The following PRKCE variants were observed in gnomAD, a reference collection of about 807,000 sequenced individuals.
PRKCE encodes the protein protein kinase C epsilon.
PRKCE carries 16 observed loss-of-function variants against 85.4 expected under a neutral mutation model. The ratio of observed to expected loss-of-function variants is 0.19; its 90% confidence interval spans 0.13 to 0.28. The LOEUF (loss-of-function observed/expected upper bound fraction) is 0.28. Ranked by LOEUF, PRKCE falls within the 10% of genes least tolerant of loss-of-function variation. PRKCE has a pLI of 1.00. For missense variants in PRKCE, 573 were observed against 975.2 expected, an observed-to-expected ratio of 0.59 and a Z score of 5.49; for synonymous variants, 388 against 371.5, an observed-to-expected ratio of 1.04 and a Z score of -0.51.
intron 2 of PRKCE, among the ~76,000 whole-genome samples, chr2:45,918,762 G>T (rs1280331584): frequency 2.0e-5 from 3 of 152,184 alleles, no homozygotes; most frequent in African/African-American, 7.2e-5. Context: ...GCAGGGCTGA[G>T]GTTGGCGAGG....
At chr2:45,864,923 G>T (rs1364214904) in intron 2 of PRKCE, among the ~76,000 whole-genome samples, 2 of 152,104 alleles carry the variant, frequency 1.3e-5, no homozygotes, top group Admixed American at 1.3e-4. Context: ...CAGCTTGCTG[G>T]GCTCCACCTT....
In PRKCE at chr2:45,721,783, A is replaced by G. The variant is rs578041358; in HGVS notation, c.348+69335A>G. Among the ~76,000 whole-genome samples, 31 of 152,114 alleles carry G rather than the reference A, an allele frequency of 2.0e-4. No homozygotes were observed. The South Asian group carries it at 5.4e-3, about 26-fold the overall frequency. Reference sequence around the variant, plus strand: ...TTCTAGCTACTTGGGAGGTTGAGGCAGGAGGCTTGTTTAAGCCTAGAAGTT... The same window carrying G: ...TTCTAGCTACTTGGGAGGTTGAGGCGGGAGGCTTGTTTAAGCCTAGAAGTT... On this transcript the variant is annotated intron_variant, in intron 1 of 14. Coordinates refer to ENST00000306156, the MANE Select transcript of PRKCE (RefSeq NM_005400.3).
chr2:45,985,409 A>T (rs578027298), intron 6 of PRKCE, among the ~76,000 whole-genome samples: 2 of 152,254 alleles, frequency 1.3e-5, no homozygotes, highest in East Asian at 3.9e-4. Context: ...GTCCAGTTTT[A>T]TAAGCCGGTC....
chr2:46,162,953 GAAAT>G (rs375511566), intron 14 of PRKCE, among the ~76,000 whole-genome samples: 1,737 of 152,326 alleles, frequency 0.011, 31 homozygotes, highest in African/African-American at 0.039. Flanking sequence ...AGAAAAAGCA[GAAAT>G]AAATAAAGCC....
chr2:46,116,631 G>T (rs867525570), intron 11 of PRKCE, among the ~76,000 whole-genome samples: 1 of 152,140 alleles, frequency 6.6e-6, no homozygotes, highest in African/African-American at 2.4e-5. Flanking sequence ...GCCTTCATTT[G>T]CTTGTTAGCC....
In PRKCE at chr2:45,790,472, G is replaced by A. The variant is rs188268309; in HGVS notation, c.349-52528G>A. ...GCCTTGTTATCAGAGCGTAGAGCAAGTTTTCAAGGCTTGTAGGATGTATCT... is the reference window on the plus strand; with the variant it reads ...GCCTTGTTATCAGAGCGTAGAGCAAATTTTCAAGGCTTGTAGGATGTATCT... On this transcript the variant is annotated intron_variant, in intron 1 of 14. Coordinates refer to ENST00000306156, the MANE Select transcript of PRKCE (RefSeq NM_005400.3). Among the ~76,000 whole-genome samples, 399 of 152,340 alleles carry A rather than the reference G, an allele frequency of 2.6e-3. 3 individuals carry two copies. The highest frequency in any genetic ancestry group is 9.3e-3 in the African/African-American group (386 of 41,576).
intron 11 of PRKCE, among the ~76,000 whole-genome samples, chr2:46,095,027 C>G (rs67290491): frequency 0.23 from 35,023 of 152,040 alleles, 4,607 homozygotes; most frequent in African/African-American, 0.36. Context: ...ACTCGCCCGG[C>G]ATAGATCTCT....
chr2:45,782,781 A>T (rs913206835), intron 1 of PRKCE, among the ~76,000 whole-genome samples: 3 of 151,854 alleles, frequency 2.0e-5, no homozygotes, highest in Non-Finnish European at 4.4e-5. Context: ...ACACACACAC[A>T]CTCACACACA....
At position 46,004,307 on chromosome 2, in the gene PRKCE, G is replaced by A. The variant is rs1011158084; in HGVS notation, c.967-235G>A. 3 of 460,072 alleles carry A rather than the reference G, an allele frequency of 6.5e-6. No individual in the cohort carries two copies. Among genetic ancestry groups the A allele is most frequent in the Non-Finnish European group, 1.2e-5 (3 of 246,544 alleles). 28.5% of individuals were successfully genotyped at this position (460,072 alleles called of 1,614,324 possible). On this transcript the variant is annotated intron_variant, in intron 7 of 14. Transcript: ENST00000306156. This position sits in a 1 kb window ranked among gnomAD's most constrained non-coding sequence, Gnocchi z 4.1. Reference sequence around the variant, plus strand: ...GGGAAGACATCATCCTTCTGTGAATGTAGGGAAGGTGCACTGAAATTCCTT... The same window carrying A: ...GGGAAGACATCATCCTTCTGTGAATATAGGGAAGGTGCACTGAAATTCCTT...
intron 1 of PRKCE, among the ~76,000 whole-genome samples, chr2:45,771,142 G>A (rs1685295547): frequency 6.6e-6 from 1 of 152,146 alleles, no homozygotes; most frequent in African/African-American, 2.4e-5. Flanking sequence ...GTGGGAAGAG[G>A]TGGGTCAATG....
At chr2:46,090,184 C>T (rs150551579) in intron 11 of PRKCE, among the ~76,000 whole-genome samples, 3 of 152,220 alleles carry the variant, frequency 2.0e-5, no homozygotes, top group Middle Eastern at 6.8e-3. Flanking sequence ...CAGAGTAATA[C>T]TCCTGGAGCT....
chr2:45,671,792 G>A (rs1165384818), intron 1 of PRKCE, among the ~76,000 whole-genome samples: 2 of 152,156 alleles, frequency 1.3e-5, no homozygotes, highest in Admixed American at 1.3e-4. Flanking sequence ...GTAGAGGACA[G>A]GTATGGTGGT....
At position 46,001,255 on chromosome 2, in the gene PRKCE, A is replaced by G; in HGVS notation, c.824-149A>G. 2.4e-6 allele frequency: 1 copy of G among 411,884 alleles called. No homozygotes were observed. Among genetic ancestry groups the G allele is most frequent in the Non-Finnish European group, 3.5e-6 (1 of 289,392 alleles). The allele number at this position is 411,884 out of a possible 1,614,324, so 25.5% of individuals were successfully genotyped here. On this transcript the variant is annotated intron_variant, in intron 6 of 14. Transcript: ENST00000306156. This position sits in a 1 kb window ranked among gnomAD's most constrained non-coding sequence, Gnocchi z 4.4. ...TTTGGTTTTGTATGATGGAAGACATATATATATATATATATATTTCTGTAT... is the reference window on the plus strand; with the variant it reads ...TTTGGTTTTGTATGATGGAAGACATGTATATATATATATATATTTCTGTAT...
intron 2 of PRKCE, among the ~76,000 whole-genome samples, chr2:45,915,998 G>A (rs1303873961): frequency 6.6e-6 from 1 of 152,144 alleles, no homozygotes; most frequent in Non-Finnish European, 1.5e-5. Flanking sequence ...ATTTGTCTGG[G>A]TAGGGAGCCT....
intron 10 of PRKCE, among the ~76,000 whole-genome samples, chr2:46,026,112 C>T (rs566842122): frequency 1.1e-4 from 16 of 152,324 alleles, no homozygotes; most frequent in African/African-American, 3.8e-4. Flanking sequence ...ATCTTGAAGA[C>T]ACTATTGAGC....
At chr2:46,149,177 A>G (rs1676365239) in intron 12 of PRKCE, among the ~76,000 whole-genome samples, 1 of 152,208 alleles carries the variant, frequency 6.6e-6, no homozygotes, top group African/African-American at 2.4e-5. Context: ...AAGTCCAGAT[A>G]CTTGAATTCA....
chr2:45,965,539 C>T (rs958421037), intron 2 of PRKCE, among the ~76,000 whole-genome samples: 4 of 152,224 alleles, frequency 2.6e-5, no homozygotes, highest in African/African-American at 9.6e-5. Context: ...ACCTCCCAGT[C>T]ATAATCACTG....
intron 2 of PRKCE, among the ~76,000 whole-genome samples, chr2:45,937,705 A>G (rs144665288): frequency 2.0e-5 from 3 of 151,210 alleles, no homozygotes; most frequent in African/African-American, 7.3e-5. Flanking sequence ...ACAAAGTGAG[A>G]CTCCGTCTCA....
intron 2 of PRKCE, among the ~76,000 whole-genome samples, chr2:45,858,211 A>G (rs1692834257): frequency 6.6e-6 from 1 of 152,180 alleles, no homozygotes; most frequent in African/African-American, 2.4e-5. Context: ...CCGCGACACT[A>G]CCAGGCCAAC....
Sources: gnomAD v4.1 joint callset for allele counts (sites outside exome capture counted in the v4.1 genomes callset) on GRCh38, gnomAD v4.1.1 for gene constraint, Gnocchi (gnomAD v3.1) non-coding constraint, MANE v1.5 for transcripts, NCBI Gene and HGNC (gene_info 2026-07-23, HGNC 2026-07-21) for gene names.